Variants in TRIP11 observed in about 807,000 individuals in gnomAD.
The protein encoded by TRIP11 is thyroid hormone receptor interactor 11.
Under a neutral mutation model 223.1 loss-of-function variants are expected in TRIP11, and 148 were observed. The observed-to-expected ratio is 0.66, with a 90% CI of 0.58 to 0.76. TRIP11 has a LOEUF of 0.76. TRIP11 is among the 30% of genes least tolerant of loss of function. The probability of loss-of-function intolerance (pLI) is 0.00; values close to 1 mark genes in which losing one functional copy is unlikely to be tolerated. For synonymous variants in TRIP11, 762 were observed against 772.6 expected (o/e 0.99, Z 0.23); for missense variants, 2,043 against 2,222.0 (o/e 0.92, Z 1.62).
At chr14:91,999,582 T>A (rs1038120520) in intron 12 of TRIP11, 149 bp from the exon 13 acceptor site, 3 of 896,108 alleles carry the variant, frequency 3.3e-6, no homozygotes, top group African/African-American at 3.4e-5. Context: ...TAGGAAAAAA[T>A]TATCTTGAAA....
chr14:91,986,261 A>G (rs1046713391), intron 16 of TRIP11, among the ~76,000 whole-genome samples: 3 of 152,202 alleles, frequency 2.0e-5, no homozygotes, highest in African/African-American at 7.2e-5. Flanking sequence ...GGCTTAAATG[A>G]GTGTCTGAAA....
Position 92,037,944 on chromosome 14 carries a change from GTAAC to G in TRIP11, c.139+1599_139+1602del, listed in dbSNP as rs2057341599. On this transcript the variant is annotated intron_variant, in intron 1 of 20. Coordinates refer to ENST00000267622, the MANE Select transcript of TRIP11 (RefSeq NM_004239.4). This position sits in a 1 kb window ranked among gnomAD's most constrained non-coding sequence, Gnocchi z 4.2. Reference sequence around the variant, plus strand: ...TTTTACGCAGGTTTGTTTTTAGAAAGTAACTGACAATACAATAGAAAATGGACTG... The same window carrying G: ...TTTTACGCAGGTTTGTTTTTAGAAAGTGACAATACAATAGAAAATGGACTG... Among the ~76,000 whole-genome samples the G allele has an allele frequency of 2.0e-5, 3 of 152,154 alleles. No individual in the cohort carries two copies. Among genetic ancestry groups the G allele is most frequent in the African/African-American group, 7.2e-5 (3 of 41,438 alleles).
At chr14:91,985,041 G>C (rs557144516) in intron 16 of TRIP11, among the ~76,000 whole-genome samples, 36 of 152,302 alleles carry the variant, frequency 2.4e-4, no homozygotes, top group African/African-American at 8.7e-4. Context: ...AGGGATAGAG[G>C]GGGAGGGAGA....
chr14:91,999,487 A>G, intron 12 of TRIP11, 54 bp from the exon 13 acceptor site: 1 of 1,554,764 alleles, frequency 6.4e-7, no homozygotes. Flanking sequence ...CCACTGCTAC[A>G]AACCATTTTG....
At chr14:92,023,112 A>C (rs2057134930) in intron 3 of TRIP11, among the ~76,000 whole-genome samples, 1 of 152,242 alleles carries the variant, frequency 6.6e-6, no homozygotes, top group Non-Finnish European at 1.5e-5. Flanking sequence ...GTAATAACAG[A>C]TATTTCCAAA....
At chr14:91,988,133 A>T in intron 16 of TRIP11, 151 bp downstream of exon 16, 1 of 661,794 alleles carries the variant, frequency 1.5e-6, no homozygotes, top group Non-Finnish European at 2.6e-6. Context: ...GACCATACTT[A>T]AATTGAAGCA....
In TRIP11 at chr14:92,015,733, T is replaced by C; in HGVS notation, c.786A>G (p.Glu262=). Residue 262 remains glutamate (E), a synonymous_variant, in exon 6 of 21, where the codon GAA becomes GAG. Coordinates refer to ENST00000267622, the MANE Select transcript of TRIP11 (RefSeq NM_004239.4). ...GATTTTCAAGTTCTTCAATTCGTTC[T>C]TCATAGTCACTTAATTCTTCTCGAT... ...RRHREELSDY[E]ERIEELENLL... is the part of the protein sequence containing the mutation. 1.2e-6 allele frequency: 2 copies of C among 1,612,830 alleles called. No homozygotes were observed. The highest frequency in any genetic ancestry group is 1.3e-5 in the African/African-American group (1 of 74,980).
rs571421519 is a variant in TRIP11 at position 91,966,766 on chromosome 14, A to G, written c.*2907T>C. 1 of 213,374 alleles carries G rather than the reference A, an allele frequency of 4.7e-6. No individual in the cohort carries two copies. Among genetic ancestry groups the G allele is most frequent in the East Asian group, 7.0e-5 (1 of 14,192 alleles). 13.2% of individuals were successfully genotyped at this position (213,374 alleles called of 1,614,324 possible). Reference sequence around the variant, plus strand: ...CCAGTATTATGCTAAAATTAAATTCAGTAGTTAGATGAATTTTCTACTACA... The same window carrying G: ...CCAGTATTATGCTAAAATTAAATTCGGTAGTTAGATGAATTTTCTACTACA... On this transcript the variant is annotated 3_prime_UTR_variant, in exon 21 of 21. Transcript: ENST00000267622.
At chr14:91,983,079 C>T (rs530337221) in intron 16 of TRIP11, among the ~76,000 whole-genome samples, 58 of 152,322 alleles carry the variant, frequency 3.8e-4, no homozygotes, top group African/African-American at 1.3e-3. Context: ...ACCTATTCAC[C>T]ATTCAAGTAA....
At chr14:92,023,557 C>T (rs991374975) in intron 3 of TRIP11, among the ~76,000 whole-genome samples, 1 of 152,128 alleles carries the variant, frequency 6.6e-6, no homozygotes, top group South Asian at 2.1e-4. Context: ...TGGAGCATTT[C>T]GAATTTTGGT....
intron 7 of TRIP11, among the ~76,000 whole-genome samples, chr14:92,013,082 C>T (rs1324454673): frequency 2.0e-5 from 3 of 152,286 alleles, no homozygotes; most frequent in East Asian, 3.9e-4. Flanking sequence ...TCCTGGCCAA[C>T]ATGGTGAAAC....
rs1406803747 is a variant in TRIP11, at chr14:91,967,900, G to T, written c.*1773C>A. On this transcript the variant is annotated 3_prime_UTR_variant, in exon 21 of 21. Coordinates refer to ENST00000267622, the MANE Select transcript of TRIP11 (RefSeq NM_004239.4). ...AATAATAATAGGCAAAAACCAAGAGGCAGTTTGACAGTTCTAATATAGAAC... is the reference window on the plus strand; with the variant it reads ...AATAATAATAGGCAAAAACCAAGAGTCAGTTTGACAGTTCTAATATAGAAC... 1 of 200,648 alleles carries T rather than the reference G, an allele frequency of 5.0e-6. No homozygotes were observed. The highest frequency in any genetic ancestry group is 1.0e-5 in the Non-Finnish European group (1 of 97,526). 12.4% of individuals were successfully genotyped at this position (200,648 alleles called of 1,614,324 possible). A position where few individuals can be genotyped will look rare whatever the true frequency, so the allele number is the denominator to read the frequency against.
At chr14:91,986,115 A>G (rs2056601271) in intron 16 of TRIP11, among the ~76,000 whole-genome samples, 1 of 152,216 alleles carries the variant, frequency 6.6e-6, no homozygotes. Context: ...AAGCATAATC[A>G]GAGCTTTCTC....
intron 14 of TRIP11, among the ~76,000 whole-genome samples, chr14:91,994,526 G>T (rs939876758): frequency 6.6e-6 from 1 of 152,172 alleles, no homozygotes; most frequent in South Asian, 2.1e-4. Flanking sequence ...TTACAGGCAT[G>T]AGCCACCGTG....
chr14:92,031,451 C>A (rs925416752), intron 2 of TRIP11, among the ~76,000 whole-genome samples: 1 of 152,204 alleles, frequency 6.6e-6, no homozygotes, highest in East Asian at 1.9e-4. Context: ...GTGTTGCATG[C>A]CTGTGGTACC....
chr14:91,997,638 A>G (rs1222768397), intron 13 of TRIP11, among the ~76,000 whole-genome samples: 5 of 152,026 alleles, frequency 3.3e-5, no homozygotes, highest in East Asian at 3.9e-4. Flanking sequence ...CAGGCAGAAG[A>G]AGGCATATGA....
At chr14:91,980,999 T>TAA in intron 16 of TRIP11, among the ~76,000 whole-genome samples, 1 of 64,208 alleles carries the variant, frequency 1.6e-5, no homozygotes, top group East Asian at 4.6e-4. Context: ...ATTATATATA[T>TAA]ATATATATAT....
chr14:91,973,417 T>C (rs956912123), intron 19 of TRIP11, among the ~76,000 whole-genome samples: 12 of 152,190 alleles, frequency 7.9e-5, no homozygotes, highest in Admixed American at 3.9e-4. Context: ...TAACACCTCA[T>C]GGTCAGAATT....
At chr14:91,988,029 C>G (rs2056624185) in intron 16 of TRIP11, among the ~76,000 whole-genome samples, 1 of 152,176 alleles carries the variant, frequency 6.6e-6, no homozygotes, top group African/African-American at 2.4e-5. Context: ...CTCTGATGGT[C>G]AACAGGGTGA....
Sources: gnomAD v4.1 joint callset for allele counts (sites outside exome capture counted in the v4.1 genomes callset) on GRCh38, gnomAD v4.1.1 for gene constraint, Gnocchi (gnomAD v3.1) non-coding constraint, MANE v1.5 for transcripts, NCBI Gene and HGNC (gene_info 2026-07-23, HGNC 2026-07-21) for gene names.